Variants in NDUFA12 observed in about 807,000 individuals in gnomAD.
The protein encoded by NDUFA12 is NADH:ubiquinone oxidoreductase subunit A12, also known as NADH dehydrogenase [ubiquinone] 1 alpha subcomplex subunit 12.
In NDUFA12, 17 loss-of-function variants were observed where a neutral mutation model predicts 20.3. The ratio of observed to expected loss-of-function variants is 0.84; its 90% CI spans 0.57 to 1.26. The LOEUF is 1.26. NDUFA12 is among the 50% of genes most tolerant of loss of function. The probability of loss-of-function intolerance (pLI) is 0.00; values close to 1 mark genes in which losing one functional copy is unlikely to be tolerated. For synonymous variants in NDUFA12, 72 were observed against 63.6 expected, an observed-to-expected ratio of 1.13 and a Z score of -0.63; for missense variants, 191 against 183.7, an observed-to-expected ratio of 1.04 and a Z score of -0.23.
At chr12:94,980,990 T>C (rs563783581) in intron 3 of NDUFA12, among the ~76,000 whole-genome samples, 5 of 151,832 alleles carry the variant, frequency 3.3e-5, no homozygotes, top group Non-Finnish European at 7.4e-5. Flanking sequence ...CTAACTACCA[T>C]AACAATGAAA....
At position 94,971,618 on chromosome 12, in the gene NDUFA12, T is replaced by C. The variant is rs781198263; in HGVS notation, c.260A>G (p.His87Arg). The C allele has an allele frequency of 6.8e-6, 11 of 1,614,034 alleles. No individual in the cohort carries two copies. The Admixed American group carries it at 1.7e-4, about 24-fold the overall frequency. Residue 87 changes from histidine to arginine, a missense_variant and splice_region_variant, in exon 4 of 4, where the codon CAT (histidine) becomes CGT (arginine). Transcript: ENST00000327772. The stretch of plus-strand genomic sequence containing the variant: ...ATCAGTCATACTGTGAAGCCAACGA[T>C]GCCTTAAAGAGGGGAAAAAACCCAA... ...VDGSMVPPEWHRWLHSMTDDP... is the reference protein window; with the variant it reads ...VDGSMVPPEWRRWLHSMTDDP...
At chr12:94,986,650 G>A (rs1874454303) in intron 3 of NDUFA12, among the ~76,000 whole-genome samples, 1 of 151,472 alleles carries the variant, frequency 6.6e-6, no homozygotes, top group African/African-American at 2.4e-5. Context: ...AAACCAGCAG[G>A]TTGTGGTGAT....
At chr12:94,974,258 C>G (rs1873989748) in intron 3 of NDUFA12, among the ~76,000 whole-genome samples, 1 of 152,072 alleles carries the variant, frequency 6.6e-6, no homozygotes, top group African/African-American at 2.4e-5. Context: ...GGCTACCGCT[C>G]TGGTCCACAA....
Position 95,002,269 on chromosome 12 carries a change from A to G in NDUFA12, c.169+470T>C, listed in dbSNP as rs554912914. On this transcript the variant is annotated intron_variant, in intron 2 of 3. Transcript: ENST00000327772. ...AGCCTGGCCAATATGGTGAAACCCCATCTCTACTAAAAAATACAAAAATTA... is the reference window on the plus strand; with the variant it reads ...AGCCTGGCCAATATGGTGAAACCCCGTCTCTACTAAAAAATACAAAAATTA... 6.6e-3 allele frequency among the ~76,000 whole-genome samples: 1,003 copies of G among 150,978 alleles called. 7 individuals carry two copies. Among genetic ancestry groups the G allele is most frequent in the Middle Eastern group, 0.017 (5 of 294 alleles).
intron 2 of NDUFA12, among the ~76,000 whole-genome samples, chr12:94,998,626 G>A (rs889668321): frequency 6.6e-6 from 1 of 152,160 alleles, no homozygotes; most frequent in Non-Finnish European, 1.5e-5. Flanking sequence ...AATAAATCCA[G>A]CAAAGTTTCA....
At chr12:94,981,885 A>T (rs1309456214) in intron 3 of NDUFA12, among the ~76,000 whole-genome samples, 1 of 152,216 alleles carries the variant, frequency 6.6e-6, no homozygotes, top group Admixed American at 6.5e-5. Context: ...GTACTGGTGG[A>T]CTTAGCAGCC....
chr12:94,982,746 A>G (rs995825428), intron 3 of NDUFA12, among the ~76,000 whole-genome samples: 2 of 152,124 alleles, frequency 1.3e-5, no homozygotes, highest in Admixed American at 1.3e-4. Flanking sequence ...GGGTCATGCC[A>G]GTTCTAAGAG....
intron 3 of NDUFA12, 194 bp from the exon 4 acceptor site, chr12:94,971,814 A>T (rs1240702281): frequency 1.3e-6 from 1 of 764,214 alleles, no homozygotes; most frequent in East Asian, 2.4e-5. Context: ...TGGTATAAAC[A>T]TAAAAGGAGA....
At chr12:94,978,275 T>C (rs867512518) in intron 3 of NDUFA12, among the ~76,000 whole-genome samples, 1 of 152,204 alleles carries the variant, frequency 6.6e-6, no homozygotes, top group Non-Finnish European at 1.5e-5. Context: ...TGCAAGAATG[T>C]TATCAAACCA....
At chr12:94,993,117 G>A (rs934842353) in intron 3 of NDUFA12, among the ~76,000 whole-genome samples, 4 of 152,128 alleles carry the variant, frequency 2.6e-5, no homozygotes, top group Non-Finnish European at 5.9e-5. Context: ...TCAGCTACTT[G>A]GAAGGGTGAG....
At chr12:94,998,303 A>G (rs1874905440) in intron 2 of NDUFA12, among the ~76,000 whole-genome samples, 2 of 152,014 alleles carry the variant, frequency 1.3e-5, no homozygotes, top group Non-Finnish European at 2.9e-5. Context: ...AAAACCCTCA[A>G]CAAAATTGGC....
intron 1 of NDUFA12, among the ~76,000 whole-genome samples, chr12:95,003,376 CCT>C (rs1840141401): frequency 6.6e-6 from 1 of 152,194 alleles, no homozygotes; most frequent in South Asian, 2.1e-4. Context: ...GATGCCCTTG[CCT>C]CCGAGTCACA....
chr12:94,981,823 C>T (rs530352675), intron 3 of NDUFA12, among the ~76,000 whole-genome samples: 2 of 152,288 alleles, frequency 1.3e-5, no homozygotes, highest in East Asian at 1.9e-4. Context: ...TTTCAAGGCA[C>T]GTGTAGCTCA....
intron 3 of NDUFA12, among the ~76,000 whole-genome samples, chr12:94,980,430 C>A (rs1055453442): frequency 1.3e-5 from 2 of 152,082 alleles, no homozygotes; most frequent in African/African-American, 2.4e-5. Flanking sequence ...CACCCTGTTT[C>A]TCTACAAAGG....
At chr12:94,987,319 T>C (rs1874478513) in intron 3 of NDUFA12, among the ~76,000 whole-genome samples, 1 of 152,168 alleles carries the variant, frequency 6.6e-6, no homozygotes, top group Non-Finnish European at 1.5e-5. Flanking sequence ...CACAGAAAAG[T>C]TGAGGAACCA....
At chr12:94,984,116 A>G (rs984943100) in intron 3 of NDUFA12, among the ~76,000 whole-genome samples, 14 of 152,118 alleles carry the variant, frequency 9.2e-5, no homozygotes, top group African/African-American at 2.9e-4. Context: ...AAATAACTAT[A>G]TTAAGAAGAA....
chr12:94,998,521 T>C (rs1565819788), intron 2 of NDUFA12, among the ~76,000 whole-genome samples: 1 of 152,092 alleles, frequency 6.6e-6, no homozygotes, highest in African/African-American at 2.4e-5. Context: ...CATCCAAATT[T>C]AAAAAGAGGA....
intron 3 of NDUFA12, among the ~76,000 whole-genome samples, chr12:94,992,217 C>T (rs768738149): frequency 3.9e-5 from 6 of 152,120 alleles, no homozygotes; most frequent in East Asian, 1.9e-4. Flanking sequence ...CTTTGAAATA[C>T]GTCATGCAAA....
chr12:94,979,460 C>T (rs1360676561), intron 3 of NDUFA12, among the ~76,000 whole-genome samples: 2 of 151,920 alleles, frequency 1.3e-5, no homozygotes, highest in Admixed American at 6.6e-5. Context: ...GTTTTAATAA[C>T]ATGAAAAATT....
Sources: gnomAD v4.1 joint callset for allele counts (sites outside exome capture counted in the v4.1 genomes callset) on GRCh38, gnomAD v4.1.1 for gene constraint, MANE v1.5 for transcripts, NCBI Gene and HGNC (gene_info 2026-07-23, HGNC 2026-07-21) for gene names.